WWOX: variants seen among roughly 807,000 people sequenced by gnomAD.
WWOX encodes WW domain-containing oxidoreductase.
In WWOX, 69 loss-of-function variants were observed where a neutral mutation model predicts 46.2. That is an observed-to-expected ratio of 1.49 (90% CI 1.23 to 1.82). The LOEUF (loss-of-function observed/expected upper bound fraction) is 1.82, where lower values mean the gene tolerates loss of function less well. WWOX is among the 40% of genes most tolerant of loss of function. The pLI is 0.00. For missense variants in WWOX, 919 were observed against 542.6 expected, an observed-to-expected ratio of 1.69 and a Z score of -6.89; for synonymous variants, 359 against 202.6, an observed-to-expected ratio of 1.77 and a Z score of -6.56.
chr16:78,322,162 G>T (rs964748464), intron 5 of WWOX, among the ~76,000 whole-genome samples: 9 of 152,198 alleles, frequency 5.9e-5, no homozygotes, highest in Non-Finnish European at 1.2e-4. Context: ...GATGGTTGGT[G>T]GGGGGAAGAC....
chr16:78,798,419 A>G (rs1376921056), intron 8 of WWOX, among the ~76,000 whole-genome samples: 1 of 152,140 alleles, frequency 6.6e-6, no homozygotes, highest in African/African-American at 2.4e-5. Flanking sequence ...AACTGGTGCG[A>G]TGCGGGAACA....
chr16:78,112,449 C>T (rs561370882), intron 3 of WWOX, among the ~76,000 whole-genome samples: 10 of 152,106 alleles, frequency 6.6e-5, no homozygotes, highest in Non-Finnish European at 1.3e-4. Context: ...ACCTGGTGAA[C>T]TTTTGGTGCA....
At chr16:78,567,777 A>C (rs1019533404) in intron 8 of WWOX, among the ~76,000 whole-genome samples, 2 of 151,920 alleles carry the variant, frequency 1.3e-5, no homozygotes, top group Admixed American at 6.6e-5. Context: ...TTCTCCCGCA[A>C]CTGGGCCACC....
chr16:79,186,587 C>T lies in WWOX; in HGVS notation c.1057-25021C>T, dbSNP rs181780255. 1.9e-3 allele frequency among the ~76,000 whole-genome samples: 293 copies of T among 152,302 alleles called. 1 individual carries two copies. The highest frequency in any genetic ancestry group is 6.8e-3 in the Middle Eastern group (2 of 294). ...TCTGTATTCCAATCTAATTACATGTCTATTTCCAAGTAACGTCACATTCTG... is the reference window on the plus strand; with the variant it reads ...TCTGTATTCCAATCTAATTACATGTTTATTTCCAAGTAACGTCACATTCTG... On this transcript the variant is annotated intron_variant, in intron 8 of 8. Transcript: ENST00000566780.
At chr16:78,325,128 C>T (rs2080584222) in intron 5 of WWOX, among the ~76,000 whole-genome samples, 1 of 152,164 alleles carries the variant, frequency 6.6e-6, no homozygotes, top group Non-Finnish European at 1.5e-5. Flanking sequence ...AGGGCTGTGG[C>T]AGCCTTTAAA....
intron 6 of WWOX, among the ~76,000 whole-genome samples, chr16:78,390,616 G>A (rs1463695393): frequency 6.6e-6 from 1 of 152,176 alleles, no homozygotes; most frequent in Non-Finnish European, 1.5e-5. Flanking sequence ...TTGAAATGCT[G>A]CCAAAGTGAA....
intron 5 of WWOX, among the ~76,000 whole-genome samples, chr16:78,303,042 ATTGGAACAGCTGGTTTTCCC>A (rs2080069196): frequency 6.6e-6 from 1 of 152,202 alleles, no homozygotes; most frequent in Admixed American, 6.5e-5. Flanking sequence ...AGATGCTCTT[ATTGGAACAGCTGGTTTTCCC>A]TTTAAAACAG....
intron 4 of WWOX, among the ~76,000 whole-genome samples, chr16:78,161,521 A>T (rs923522156): frequency 6.6e-6 from 1 of 151,506 alleles, no homozygotes; most frequent in East Asian, 1.9e-4. Flanking sequence ...ATCATAGCTG[A>T]CTGTGCCCTT....
At chr16:78,883,557 C>G (rs893470147) in intron 8 of WWOX, among the ~76,000 whole-genome samples, 3 of 151,968 alleles carry the variant, frequency 2.0e-5, no homozygotes, top group South Asian at 4.2e-4. Context: ...AACCCCATCT[C>G]TACTAAAAAT....
At chr16:78,948,013 G>A (rs4888886) in intron 8 of WWOX, among the ~76,000 whole-genome samples, 87,001 of 152,062 alleles carry the variant, frequency 0.57, 25,640 homozygotes, top group African/African-American at 0.73. Context: ...GGGAGGAAGG[G>A]TGGGACGATG....
intron 8 of WWOX, among the ~76,000 whole-genome samples, chr16:78,709,563 C>T: frequency 6.6e-6 from 1 of 152,088 alleles, no homozygotes; most frequent in Non-Finnish European, 1.5e-5. Context: ...TGAACACTTG[C>T]CTGTCTGCAC....
At chr16:78,978,105 T>G (rs1309626524) in intron 8 of WWOX, among the ~76,000 whole-genome samples, 1 of 152,222 alleles carries the variant, frequency 6.6e-6, no homozygotes, top group Non-Finnish European at 1.5e-5. Context: ...GATATTTTAT[T>G]TAAGTGGGAT....
chr16:78,570,472 C>G (rs191754341), intron 8 of WWOX, among the ~76,000 whole-genome samples: 1 of 152,196 alleles, frequency 6.6e-6, no homozygotes, highest in Admixed American at 6.5e-5. Context: ...CCATGCCTGC[C>G]TAATTTTTTT....
intron 8 of WWOX, among the ~76,000 whole-genome samples, chr16:78,529,523 A>G (rs578139446): frequency 2.6e-5 from 4 of 151,822 alleles, no homozygotes; most frequent in Non-Finnish European, 5.9e-5. Context: ...CTGGAATGCA[A>G]TGGCAAGATC....
At chr16:78,906,228 A>G (rs906183543) in intron 8 of WWOX, among the ~76,000 whole-genome samples, 7 of 152,262 alleles carry the variant, frequency 4.6e-5, no homozygotes, top group Non-Finnish European at 7.3e-5. Flanking sequence ...CTGGGCCTTG[A>G]GATAGCCATG....
At chr16:78,341,930 AC>A (rs2081022372) in intron 5 of WWOX, among the ~76,000 whole-genome samples, 2 of 113,246 alleles carry the variant, frequency 1.8e-5, no homozygotes, top group Non-Finnish European at 4.2e-5. Flanking sequence ...AGCCTTGGCA[AC>A]ATAGCAAGAC....
In WWOX at chr16:78,600,572, G is replaced by T. The variant is rs186913636; in HGVS notation, c.1056+167820G>T. 1.5e-4 allele frequency among the ~76,000 whole-genome samples: 23 copies of T among 152,222 alleles called. No homozygotes were observed. In the East Asian group the frequency reaches 3.9e-3, roughly 26 times the overall value. On this transcript the variant is annotated intron_variant, in intron 8 of 8. Coordinates refer to ENST00000566780, the MANE Select transcript of WWOX (RefSeq NM_016373.4). ...TCCTAGGGATCATCATCATTTTGTG[G>T]GGCTATAGTCCAGAGAGGTGAAGGA...
intron 8 of WWOX, among the ~76,000 whole-genome samples, chr16:78,786,130 G>T (rs576610345): frequency 3.7e-4 from 56 of 152,260 alleles, no homozygotes; most frequent in African/African-American, 1.3e-3. Context: ...GGCTGGTTTT[G>T]AACTCCTGCC....
At chr16:78,875,303 G>T (rs878872541) in intron 8 of WWOX, among the ~76,000 whole-genome samples, 7 of 152,152 alleles carry the variant, frequency 4.6e-5, no homozygotes, top group Admixed American at 4.6e-4. Context: ...AAACCCCAGT[G>T]TGCTGATCTC....
Sources: allele counts gnomAD v4.1 joint callset (sites outside exome capture counted in the v4.1 genomes callset), GRCh38; gene constraint gnomAD v4.1.1; transcripts MANE v1.5; gene names NCBI Gene and HGNC (gene_info 2026-07-23, HGNC 2026-07-21).